The following GRM5 variants were observed in gnomAD, a reference collection of about 807,000 sequenced individuals.
GRM5 encodes glutamate metabotropic receptor 5.
GRM5 carries 19 observed loss-of-function variants against 83.1 expected under a neutral mutation model. The ratio of observed to expected loss-of-function variants is 0.23; its 90% CI spans 0.16 to 0.34. The LOEUF (loss-of-function observed/expected upper bound fraction) is 0.34. Among genes scored for constraint, GRM5 ranks in the 10% least tolerant of loss-of-function variants. GRM5 has a pLI of 1.00. For synonymous variants in GRM5, 675 were observed against 633.6 expected, an observed-to-expected ratio of 1.07 and a Z score of -0.98; for missense variants, 1,160 against 1,588.3, an observed-to-expected ratio of 0.73 and a Z score of 4.58.
intron 4 of GRM5, among the ~76,000 whole-genome samples, chr11:88,626,870 G>A (rs1359027585): frequency 6.6e-6 from 1 of 152,142 alleles, no homozygotes; most frequent in East Asian, 1.9e-4. Flanking sequence ...GCCAAGTGTG[G>A]ACATAGCAAG....
At chr11:88,979,893 G>A (rs182158250) in intron 2 of GRM5, among the ~76,000 whole-genome samples, 1 of 152,024 alleles carries the variant, frequency 6.6e-6, no homozygotes, top group African/African-American at 2.4e-5. Flanking sequence ...GTTGAGTCAC[G>A]GTCTTTCTAA....
chr11:88,651,679 T>TA, intron 4 of GRM5, among the ~76,000 whole-genome samples: 1 of 152,072 alleles, frequency 6.6e-6, no homozygotes, highest in Non-Finnish European at 1.5e-5. Flanking sequence ...TGGTCAGAGT[T>TA]ACAAGGATCT....
intron 8 of GRM5, among the ~76,000 whole-genome samples, chr11:88,561,211 C>T (rs776497041): frequency 1.3e-4 from 20 of 152,250 alleles, no homozygotes; most frequent in African/African-American, 2.6e-4. Context: ...TATTGTAATT[C>T]GGCCAATGAA....
chr11:88,831,201 A>G (rs1256058983), intron 3 of GRM5, among the ~76,000 whole-genome samples: 1 of 152,210 alleles, frequency 6.6e-6, no homozygotes, highest in Non-Finnish European at 1.5e-5. Context: ...AGTAAAACTG[A>G]CATCCCCTGA....
At chr11:88,788,584 A>G (rs985989175) in intron 3 of GRM5, among the ~76,000 whole-genome samples, 2 of 152,176 alleles carry the variant, frequency 1.3e-5, no homozygotes, top group African/African-American at 4.8e-5. Context: ...GAGAACAGAA[A>G]CATAGTCCAA....
intron 3 of GRM5, among the ~76,000 whole-genome samples, chr11:88,753,599 TA>T (rs1942329986): frequency 1.3e-5 from 2 of 152,106 alleles, no homozygotes; most frequent in East Asian, 3.9e-4. Flanking sequence ...TATAAACCAT[TA>T]TATTATAAAG....
At chr11:88,967,195 A>G (rs575158167) in intron 2 of GRM5, among the ~76,000 whole-genome samples, 11 of 146,056 alleles carry the variant, frequency 7.5e-5, no homozygotes, top group East Asian at 2.0e-4. Context: ...AAGAAGATAT[A>G]TGTGTGTGTG....
chr11:88,956,081 T>G (rs1938603770), intron 2 of GRM5, among the ~76,000 whole-genome samples: 1 of 152,232 alleles, frequency 6.6e-6, no homozygotes, highest in Non-Finnish European at 1.5e-5. Context: ...AAACCTCTAT[T>G]CAGGCATTCC....
At chr11:88,645,442 C>T (rs61902889) in intron 4 of GRM5, among the ~76,000 whole-genome samples, 18,322 of 152,066 alleles carry the variant, frequency 0.12, 1,505 homozygotes, top group Non-Finnish European at 0.18. Context: ...AGGAGCTTAA[C>T]TGGGCATGCA....
At chr11:88,762,670 C>T in intron 3 of GRM5, among the ~76,000 whole-genome samples, 1 of 151,930 alleles carries the variant, frequency 6.6e-6, no homozygotes, top group East Asian at 1.9e-4. Context: ...CAAGCAATTT[C>T]ATTACTTGGT....
At chr11:89,055,666 T>C (rs1941857953) in intron 1 of GRM5, among the ~76,000 whole-genome samples, 1 of 151,818 alleles carries the variant, frequency 6.6e-6, no homozygotes, top group South Asian at 2.1e-4. Flanking sequence ...TTTCAAAGCT[T>C]ATAATATTTT....
At chr11:88,599,280 G>A (rs571783473) in intron 5 of GRM5, among the ~76,000 whole-genome samples, 3 of 152,238 alleles carry the variant, frequency 2.0e-5, no homozygotes, top group Non-Finnish European at 4.4e-5. Flanking sequence ...CTTGTTTTAA[G>A]GAAAGTTAAA....
At chr11:88,670,444 A>C (rs1397212629) in intron 3 of GRM5, among the ~76,000 whole-genome samples, 5 of 151,862 alleles carry the variant, frequency 3.3e-5, no homozygotes, top group African/African-American at 1.2e-4. Context: ...TAATTGAATA[A>C]AAATGTAGGC....
intron 5 of GRM5, among the ~76,000 whole-genome samples, chr11:88,603,209 C>T (rs1938047361): frequency 6.6e-6 from 1 of 152,206 alleles, no homozygotes; most frequent in Non-Finnish European, 1.5e-5. Context: ...GATGTTCTGC[C>T]AGATCCATCA....
At chr11:88,850,297 T>C in intron 2 of GRM5, 142 bp from the exon 3 acceptor site, 1 of 766,950 alleles carries the variant, frequency 1.3e-6, no homozygotes, top group Non-Finnish European at 2.1e-6. Flanking sequence ...TGGTTTTTGC[T>C]CTTTTGCCGA....
chr11:88,643,741 C>T (rs781086517), intron 4 of GRM5, among the ~76,000 whole-genome samples: 4 of 137,252 alleles, frequency 2.9e-5, no homozygotes, highest in Non-Finnish European at 6.4e-5. Context: ...CTCTCCCAAG[C>T]AATTCTTTTC....
chr11:88,551,394 C>T (rs1244145773), intron 8 of GRM5, among the ~76,000 whole-genome samples: 1 of 152,156 alleles, frequency 6.6e-6, no homozygotes, highest in African/African-American at 2.4e-5. Flanking sequence ...ATCTACCTCC[C>T]ACCAGCAGAC....
intron 1 of GRM5, among the ~76,000 whole-genome samples, chr11:89,055,919 A>T (rs1941864812): frequency 7.0e-6 from 1 of 142,436 alleles, no homozygotes; most frequent in Non-Finnish European, 1.6e-5. Flanking sequence ...TACAGAGAAA[A>T]GAACTGAGGC....
chr11:88,934,233 A>G (rs1357324873), intron 2 of GRM5, among the ~76,000 whole-genome samples: 1 of 151,726 alleles, frequency 6.6e-6, no homozygotes, highest in Non-Finnish European at 1.5e-5. Context: ...TGTGATCTCT[A>G]TTTTTTGATA....
Sources: allele counts gnomAD v4.1 joint callset (sites outside exome capture counted in the v4.1 genomes callset), GRCh38; gene constraint gnomAD v4.1.1; transcripts MANE v1.5; gene names NCBI Gene and HGNC (gene_info 2026-07-23, HGNC 2026-07-21).